The following SNX3 variants were observed in gnomAD, a reference collection of about 807,000 sequenced individuals.
SNX3 encodes the protein sorting nexin-3.
Under a neutral mutation model 17.7 loss-of-function variants are expected in SNX3, and 5 were observed. The observed-to-expected ratio is 0.28, with a 90% CI of 0.15 to 0.59. SNX3 has a LOEUF of 0.59. Among genes scored for constraint, SNX3 ranks in the 20% least tolerant of loss-of-function variants. The probability of loss-of-function intolerance (pLI) is 0.88; values close to 1 mark genes in which losing one functional copy is unlikely to be tolerated. For synonymous variants in SNX3, 91 were observed against 76.5 expected, an observed-to-expected ratio of 1.19 and a Z score of -0.99; for missense variants, 132 against 206.8, an observed-to-expected ratio of 0.64 and a Z score of 2.22.
intron 1 of SNX3, among the ~76,000 whole-genome samples, chr6:108,236,393 T>A (rs1309536978): frequency 9.7e-5 from 14 of 143,874 alleles, no homozygotes; most frequent in South Asian, 2.1e-4. Flanking sequence ...TTTTTTTTTT[T>A]TTTTTTTTGA....
chr6:108,253,286 T>C (rs962968330), intron 1 of SNX3, among the ~76,000 whole-genome samples: 1 of 152,130 alleles, frequency 6.6e-6, no homozygotes, highest in African/African-American at 2.4e-5. Flanking sequence ...TCCCAACTAC[T>C]TGGCTGAGGT....
chr6:108,230,674 A>C (rs567000475), intron 1 of SNX3, among the ~76,000 whole-genome samples: 1 of 152,338 alleles, frequency 6.6e-6, no homozygotes, highest in East Asian at 1.9e-4. Context: ...ATCACGTTTC[A>C]TCATAAATCT....
At chr6:108,223,156 T>C in intron 1 of SNX3, 111 bp from the exon 2 acceptor site, 1 of 637,134 alleles carries the variant, frequency 1.6e-6, no homozygotes, top group Non-Finnish European at 2.7e-6. Flanking sequence ...TTTCTTTTTT[T>C]GAGACAGAAT....
intron 2 of SNX3, among the ~76,000 whole-genome samples, chr6:108,221,743 G>C (rs948161000): frequency 4.0e-5 from 6 of 151,520 alleles, no homozygotes; most frequent in African/African-American, 1.2e-4. Context: ...ATGGGGTTTC[G>C]CATGTTGCCC....
intron 1 of SNX3, among the ~76,000 whole-genome samples, chr6:108,238,267 T>G (rs933946029): frequency 4.6e-5 from 7 of 151,954 alleles, no homozygotes; most frequent in Non-Finnish European, 5.9e-5. Context: ...AGAGTAGGTG[T>G]CACAGAACAG....
chr6:108,243,317 T>TA (rs922751177), intron 1 of SNX3, among the ~76,000 whole-genome samples: 1 of 151,830 alleles, frequency 6.6e-6, no homozygotes, highest in Non-Finnish European at 1.5e-5. Context: ...AATTCAGCAA[T>TA]AAAAAACTAA....
At chr6:108,232,313 T>C (rs1279568370) in intron 1 of SNX3, among the ~76,000 whole-genome samples, 1 of 152,106 alleles carries the variant, frequency 6.6e-6, no homozygotes, top group Non-Finnish European at 1.5e-5. Flanking sequence ...GGTAAGATCA[T>C]CAGGAATGCA....
intron 1 of SNX3, among the ~76,000 whole-genome samples, chr6:108,243,841 A>G (rs970260994): frequency 1.3e-5 from 2 of 152,174 alleles, no homozygotes; most frequent in African/African-American, 4.8e-5. Context: ...GCTGAGGCAC[A>G]AGAATCGCAT....
intron 3 of SNX3, 114 bp from the exon 4 acceptor site, chr6:108,212,368 CTT>C (rs1774432827): frequency 6.0e-6 from 4 of 665,114 alleles, no homozygotes; most frequent in Non-Finnish European, 1.0e-5. Context: ...GAGATGGAGT[CTT>C]GCTCTGTTGC....
chr6:108,227,157 G>A (rs909876952), intron 1 of SNX3, among the ~76,000 whole-genome samples: 3 of 152,078 alleles, frequency 2.0e-5, no homozygotes, highest in Admixed American at 6.5e-5. Flanking sequence ...TCACCCTTCC[G>A]CATTAAAATA....
intron 3 of SNX3, among the ~76,000 whole-genome samples, chr6:108,213,616 C>A (rs1774473446): frequency 6.7e-6 from 1 of 149,102 alleles, no homozygotes; most frequent in Non-Finnish European, 1.5e-5. Context: ...TGCACCACTG[C>A]ACTCCAGCCT....
Position 108,260,875 on chromosome 6 carries a change from T to C in SNX3, c.47A>G (p.Gln16Arg). 1 of 1,611,808 alleles carries C rather than the reference T, an allele frequency of 6.2e-7. No homozygotes were observed. Among genetic ancestry groups the C allele is most frequent in the Non-Finnish European group, 8.5e-7 (1 of 1,178,924 alleles). Residue 16 changes from glutamine to arginine, a missense_variant, in exon 1 of 4, where the codon CAG (glutamine) becomes CGG (arginine). Transcript: ENST00000230085. ...GGGTCCGTAGGCGTCATTCAGGTTC[T>C]GCGGCTTGGTGATCAGCCGCCGGGT... ...ADTRRLITKPQNLNDAYGPPS... is the reference protein window; with the variant it reads ...ADTRRLITKPRNLNDAYGPPS...
intron 1 of SNX3, among the ~76,000 whole-genome samples, chr6:108,226,972 A>C (rs142315832): frequency 1.9e-4 from 29 of 152,182 alleles, no homozygotes; most frequent in African/African-American, 6.5e-4. Flanking sequence ...ACCTAACAAG[A>C]CTCTTATTAT....
intron 1 of SNX3, among the ~76,000 whole-genome samples, chr6:108,236,319 T>G (rs940926790): frequency 6.7e-6 from 1 of 150,198 alleles, no homozygotes; most frequent in Non-Finnish European, 1.5e-5. Flanking sequence ...CCTGTCTCTC[T>G]CTCTACCTCT....
At chr6:108,259,917 A>G (rs1045422874) in intron 1 of SNX3, among the ~76,000 whole-genome samples, 2 of 152,258 alleles carry the variant, frequency 1.3e-5, no homozygotes, top group African/African-American at 4.8e-5. Context: ...GCTTCCATAC[A>G]TGGGCAAATT....
intron 1 of SNX3, among the ~76,000 whole-genome samples, chr6:108,249,139 C>T (rs922824469): frequency 6.6e-6 from 1 of 152,174 alleles, no homozygotes; most frequent in Non-Finnish European, 1.5e-5. Flanking sequence ...ATAAGAGGAT[C>T]ACTTGAGCTC....
chr6:108,237,427 C>T (rs910230398), intron 1 of SNX3, among the ~76,000 whole-genome samples: 4 of 152,120 alleles, frequency 2.6e-5, no homozygotes, highest in African/African-American at 9.7e-5. Flanking sequence ...ATTATGGCAG[C>T]TCATTAGCCA....
At chr6:108,222,409 T>C (rs1358146584) in intron 2 of SNX3, 18 of 1,225,254 alleles carry the variant, frequency 1.5e-5, no homozygotes, top group Non-Finnish European at 1.7e-5. Flanking sequence ...AGATCAGGCA[T>C]GTAACAGTGT....
intron 1 of SNX3, among the ~76,000 whole-genome samples, chr6:108,244,647 G>GTTTTTTTTTTTTTTT (rs1021781550): frequency 1.0e-4 from 9 of 87,226 alleles, no homozygotes; most frequent in East Asian, 6.8e-4. Flanking sequence ...TAAGTAAGGA[G>GTTTTTTTTTTTTTTT]TTTTTTTTTT....
Sources: allele counts gnomAD v4.1 joint callset (sites outside exome capture counted in the v4.1 genomes callset), GRCh38; gene constraint gnomAD v4.1.1; transcripts MANE v1.5; gene names NCBI Gene and HGNC (gene_info 2026-07-23, HGNC 2026-07-21).